The following PLSCR2 variants were observed in gnomAD, a reference collection of about 807,000 sequenced individuals.
PLSCR2 encodes phospholipid scramblase 2.
A neutral mutation model predicts 25.3 loss-of-function variants in PLSCR2; 18 were observed. That is an observed-to-expected ratio of 0.71 (90% confidence interval 0.49 to 1.06). The LOEUF (loss-of-function observed/expected upper bound fraction) is 1.06. Among genes scored for constraint, PLSCR2 ranks in the 50% least tolerant of loss-of-function variants. The pLI is 0.00. For synonymous variants in PLSCR2, 88 were observed against 87.3 expected, an observed-to-expected ratio of 1.01 and a Z score of -0.04; for missense variants, 243 against 269.5, an observed-to-expected ratio of 0.90 and a Z score of 0.69.
intron 2 of PLSCR2, among the ~76,000 whole-genome samples, chr3:146,397,651 C>G (rs186282254): frequency 1.2e-4 from 18 of 152,090 alleles, no homozygotes; most frequent in Admixed American, 9.8e-4. Flanking sequence ...ATAACTTTGA[C>G]AAAGTTTTGA....
At chr3:146,429,620 A>AATTT (rs908140708), downstream of PLSCR2, among the ~76,000 whole-genome samples, 4 of 150,718 alleles carry the variant, frequency 2.7e-5, no homozygotes, top group African/African-American at 4.9e-5. Context: ...TTAAAATTGG[A>AATTT]ATTTATTTAT....
intron 2 of PLSCR2, among the ~76,000 whole-genome samples, chr3:146,426,288 TCCTTCCTG>T (rs954069787): frequency 6.8e-6 from 1 of 146,650 alleles, no homozygotes; most frequent in Non-Finnish European, 1.5e-5. Context: ...CTTCCTTCCT[TCCTTCCTG>T]CCTTCCTTCC....
chr3:146,479,358 A>G, intron 1 of PLSCR2, among the ~76,000 whole-genome samples: 1 of 152,226 alleles, frequency 6.6e-6, no homozygotes, highest in South Asian at 2.1e-4. Flanking sequence ...TCTCACGTGC[A>G]GAGACACACA....
chr3:146,454,105 G>C (rs760515235), exon 5 of PLSCR2: 3 of 1,609,538 alleles, frequency 1.9e-6, no homozygotes, highest in Non-Finnish European at 2.5e-6. Context: ...TGTTAGACAT[G>C]GGTGCCAGGT....
intron 3 of PLSCR2, among the ~76,000 whole-genome samples, chr3:146,393,938 C>T (rs549567219): frequency 6.3e-4 from 96 of 151,660 alleles, no homozygotes; most frequent in Admixed American, 1.4e-3. Context: ...GAGTAAATTC[C>T]GCATTTTGAT....
In PLSCR2 at chr3:146,459,599, G is replaced by A. The variant is rs564280218; in HGVS notation, c.57+249C>T. Among the ~76,000 whole-genome samples the A allele has an allele frequency of 1.5e-3, 225 of 152,070 alleles. 1 individual carries two copies. The highest frequency in any genetic ancestry group is 4.6e-3 in the African/African-American group (192 of 41,496). On this transcript the variant is annotated intron_variant, in intron 2 of 6. Transcript: ENST00000610787. ...ATAGTGCCTAATAAATGTTTACTTT[G>A]GACTATTATCACATTATATAAAAGA... is the stretch of plus-strand genomic sequence containing the variant.
chr3:146,479,208 CATT>C (rs2043042038), intron 1 of PLSCR2, among the ~76,000 whole-genome samples: 1 of 152,166 alleles, frequency 6.6e-6, no homozygotes, highest in Non-Finnish European at 1.5e-5. Flanking sequence ...AACCAGCTAA[CATT>C]ATCACGACAG....
intron 6 of PLSCR2, among the ~76,000 whole-genome samples, chr3:146,445,346 T>C (rs1364580470): frequency 6.6e-6 from 1 of 152,182 alleles, no homozygotes; most frequent in Non-Finnish European, 1.5e-5. Flanking sequence ...AGGACAGGTC[T>C]GGTATTAATG....
chr3:146,415,191 G>A (rs979170794), intron 2 of PLSCR2: 1 of 152,522 alleles, frequency 6.6e-6, no homozygotes, highest in African/African-American at 2.4e-5. Flanking sequence ...AATAAAGAAG[G>A]TGGTTATGAA....
rs866120858 is a variant in PLSCR2, at chr3:146,455,432, A to C, written c.128T>G (p.Met43Arg). 8.1e-6 allele frequency: 13 copies of C among 1,610,412 alleles called. No homozygotes were observed. In the Admixed American group the frequency reaches 1.5e-4, roughly 19 times the overall value. ...CCCAAAGCTGTTCTTGATTTCATACATGTTACTACTTTCAAAACTGAATAG... is the reference window on the plus strand; with the variant it reads ...CCCAAAGCTGTTCTTGATTTCATACCTGTTACTACTTTCAAAACTGAATAG... Residue 43 changes from methionine (M) to arginine (R), a missense_variant, in exon 4 of 7, where the codon ATG (methionine) becomes AGG (arginine). Transcript: ENST00000610787.
intron 1 of PLSCR2, among the ~76,000 whole-genome samples, chr3:146,476,014 T>C (rs1409197667): frequency 6.6e-6 from 1 of 152,088 alleles, no homozygotes; most frequent in Non-Finnish European, 1.5e-5. Flanking sequence ...CCAACTATTA[T>C]TAAGGCCTCA....
intron 2 of PLSCR2, chr3:146,401,323 AG>A (rs1358145571): frequency 6.6e-6 from 1 of 152,524 alleles, no homozygotes; most frequent in Admixed American, 6.6e-5. Flanking sequence ...TCCGGCATTG[AG>A]GCTTTTTTGA....
chr3:146,455,503 T>C (rs780069405), intron 3 of PLSCR2, 44 bp from the exon 4 acceptor site: 3 of 1,152,298 alleles, frequency 2.6e-6, no homozygotes, highest in Non-Finnish European at 3.9e-6. Context: ...TTAAAATGAT[T>C]GAACCTATCT....
At chr3:146,422,604 C>G (rs1488261346) in intron 2 of PLSCR2, among the ~76,000 whole-genome samples, 1 of 152,076 alleles carries the variant, frequency 6.6e-6, no homozygotes, top group East Asian at 1.9e-4. Context: ...CAAGTTGGAA[C>G]AGCTATGCAC....
intron 8 of PLSCR2, among the ~76,000 whole-genome samples, chr3:146,436,493 T>C (rs936108024): frequency 2.6e-5 from 4 of 152,096 alleles, no homozygotes; most frequent in Non-Finnish European, 5.9e-5. Flanking sequence ...CCTTCACATC[T>C]CTTGTAAGTT....
chr3:146,422,449 G>GT (rs2039184628), intron 2 of PLSCR2, among the ~76,000 whole-genome samples: 1 of 151,990 alleles, frequency 6.6e-6, no homozygotes, highest in Non-Finnish European at 1.5e-5. Flanking sequence ...GAAATTCCTG[G>GT]TAAATAGAGA....
At chr3:146,441,558 A>G (rs2040243133), downstream of PLSCR2, among the ~76,000 whole-genome samples, 1 of 151,976 alleles carries the variant, frequency 6.6e-6, no homozygotes, top group African/African-American at 2.4e-5. Flanking sequence ...CTAATAAAGT[A>G]TATAAAACAT....
intron 6 of PLSCR2, among the ~76,000 whole-genome samples, chr3:146,445,551 C>A (rs938818024): frequency 1.3e-5 from 2 of 151,076 alleles, no homozygotes; most frequent in African/African-American, 4.9e-5. Flanking sequence ...ATTTTTTTTT[C>A]TCTTGCTGCT....
chr3:146,487,065 T>A (rs1324375119), intron 1 of PLSCR2, among the ~76,000 whole-genome samples: 4 of 151,976 alleles, frequency 2.6e-5, no homozygotes, highest in Non-Finnish European at 5.9e-5. Flanking sequence ...TGACAAAACC[T>A]ACATGATTAT....
Sources: allele counts gnomAD v4.1 joint callset (sites outside exome capture counted in the v4.1 genomes callset), GRCh38; gene constraint gnomAD v4.1.1; transcripts MANE v1.5; gene names NCBI Gene and HGNC (gene_info 2026-07-23, HGNC 2026-07-21).